The following PTPRD variants were observed in gnomAD, a reference collection of about 807,000 sequenced individuals.
PTPRD encodes receptor-type tyrosine-protein phosphatase delta.
In PTPRD, 34 loss-of-function variants were observed where a neutral mutation model predicts 214.5. That is an observed-to-expected ratio of 0.16 (90% CI 0.12 to 0.21). The LOEUF (loss-of-function observed/expected upper bound fraction) is 0.21, where lower values mean the gene tolerates loss of function less well. PTPRD is among the 10% of genes least tolerant of loss of function. The probability of loss-of-function intolerance (pLI) is 1.00; values close to 1 mark genes in which losing one functional copy is unlikely to be tolerated. For missense variants in PTPRD, 2,545 were observed against 2,398.7 expected (o/e 1.06, Z -1.27); for synonymous variants, 1,128 against 845.7 (o/e 1.33, Z -5.79).
intron 11 of PTPRD, among the ~76,000 whole-genome samples, chr9:8,742,722 T>C (rs947462584): frequency 2.6e-5 from 4 of 152,176 alleles, no homozygotes; most frequent in Non-Finnish European, 4.4e-5. Flanking sequence ...AGGATTATTT[T>C]AAGAATAAAG....
At chr9:10,437,096 C>T (rs1386258925) in intron 2 of PTPRD, among the ~76,000 whole-genome samples, 1 of 151,678 alleles carries the variant, frequency 6.6e-6, no homozygotes, top group Admixed American at 6.6e-5. Context: ...CCCCGTGTTT[C>T]CCTGAAGAAT....
intron 7 of PTPRD, among the ~76,000 whole-genome samples, chr9:9,711,914 A>G (rs2097740518): frequency 6.6e-6 from 1 of 152,178 alleles, no homozygotes; most frequent in Admixed American, 6.5e-5. Flanking sequence ...AACTATATGA[A>G]GGGTTGTTCA....
At chr9:9,653,348 CAAAAAAAAAAAAAAAAAAAAAAA>C (rs1175875551) in intron 7 of PTPRD, among the ~76,000 whole-genome samples, 5 of 32,490 alleles carry the variant, frequency 1.5e-4, no homozygotes, top group Admixed American at 1.2e-3. Flanking sequence ...GACTCCGTCT[CAAAAAAAAAAAAAAAAAAAAAAA>C]AAAAAAAAAA....
intron 2 of PTPRD, among the ~76,000 whole-genome samples, chr9:10,456,693 G>A (rs1011043480): frequency 6.6e-6 from 1 of 151,738 alleles, no homozygotes; most frequent in African/African-American, 2.4e-5. Flanking sequence ...TTTTCAGTGT[G>A]TTTTCTTTTC....
intron 10 of PTPRD, among the ~76,000 whole-genome samples, chr9:9,029,506 T>A (rs368298577): frequency 4.8e-5 from 7 of 144,330 alleles, no homozygotes; most frequent in Admixed American, 3.5e-4. Flanking sequence ...CTAAAAAAAA[T>A]TATTTTAAAT....
At chr9:10,089,483 A>G (rs2098403955) in intron 3 of PTPRD, among the ~76,000 whole-genome samples, 1 of 151,606 alleles carries the variant, frequency 6.6e-6, no homozygotes, top group East Asian at 2.0e-4. Context: ...CATAAAATGT[A>G]ATAATGGTGA....
At chr9:10,105,185 G>C (rs291313) in intron 3 of PTPRD, among the ~76,000 whole-genome samples, 117,461 of 151,482 alleles carry the variant, frequency 0.78, 46,407 homozygotes, top group Middle Eastern at 0.9. Context: ...TTTTCTAATG[G>C]CTACTAAAGT....
At chr9:9,607,088 T>G (rs2154341899) in intron 7 of PTPRD, among the ~76,000 whole-genome samples, 1 of 149,744 alleles carries the variant, frequency 6.7e-6, no homozygotes, top group East Asian at 2.0e-4. Context: ...GCACGTGGCC[T>G]GTAACACTCT....
At chr9:8,345,393 C>T (rs1055526344) in intron 39 of PTPRD, among the ~76,000 whole-genome samples, 11 of 152,100 alleles carry the variant, frequency 7.2e-5, no homozygotes, top group Non-Finnish European at 1.2e-4. Context: ...CTTCACAATG[C>T]TTTCCACCAT....
intron 43 of PTPRD, among the ~76,000 whole-genome samples, chr9:8,335,354 A>G (rs970258296): frequency 2.0e-5 from 3 of 152,058 alleles, no homozygotes; most frequent in Non-Finnish European, 4.4e-5. Flanking sequence ...AAATCAATAA[A>G]CATAATCCAT....
chr9:8,776,901 ATAT>A (rs2095503347), intron 11 of PTPRD, among the ~76,000 whole-genome samples: 1 of 20,050 alleles, frequency 5.0e-5, no homozygotes, highest in African/African-American at 3.3e-4. Context: ...TATATAATAC[ATAT>A]GTATAATATA....
intron 8 of PTPRD, among the ~76,000 whole-genome samples, chr9:9,531,124 C>T (rs990998369): frequency 2.0e-5 from 3 of 152,058 alleles, no homozygotes; most frequent in African/African-American, 7.2e-5. Flanking sequence ...TTCTATGCTG[C>T]AACAAATCCT....
At chr9:10,523,382 A>C (rs2053036677) in intron 2 of PTPRD, among the ~76,000 whole-genome samples, 1 of 151,376 alleles carries the variant, frequency 6.6e-6, no homozygotes, top group South Asian at 2.1e-4. Flanking sequence ...ATGACAAAGC[A>C]ACTGTCCCAA....
chr9:8,417,222 G>A (rs2094003893), intron 35 of PTPRD, among the ~76,000 whole-genome samples: 1 of 150,740 alleles, frequency 6.6e-6, no homozygotes, highest in Non-Finnish European at 1.5e-5. Flanking sequence ...CCAAAAGAGT[G>A]GGAAGTTAAG....
rs188333669 is a variant in PTPRD at position 10,288,871 on chromosome 9, T to C, written c.-545+52092A>G. Among the ~76,000 whole-genome samples, 44 of 152,260 alleles carry C rather than the reference T, an allele frequency of 2.9e-4. 1 individual carries two copies. Among genetic ancestry groups the C allele is most frequent in the South Asian group, 1.2e-3 (6 of 4,824 alleles). On this transcript the variant is annotated intron_variant, in intron 3 of 45. Coordinates refer to ENST00000381196, the MANE Select transcript of PTPRD (RefSeq NM_002839.4). The stretch of plus-strand genomic sequence containing the variant: ...GCTAAAATTGGATTATATGAAAATA[T>C]AGCATAAATTAGAGAGGAGTCTAAC...
At chr9:10,549,489 A>C (rs2060849318) in intron 2 of PTPRD, among the ~76,000 whole-genome samples, 1 of 152,182 alleles carries the variant, frequency 6.6e-6, no homozygotes, top group Non-Finnish European at 1.5e-5. Context: ...TACAGGATGA[A>C]GGTAGCAGGA....
intron 7 of PTPRD, among the ~76,000 whole-genome samples, chr9:9,717,259 T>C (rs2097851793): frequency 6.6e-6 from 1 of 152,232 alleles, no homozygotes; most frequent in Non-Finnish European, 1.5e-5. Flanking sequence ...TATAGCCTTG[T>C]AGTATAGTTT....
At chr9:8,554,224 G>A (rs886501263) in intron 14 of PTPRD, among the ~76,000 whole-genome samples, 5 of 152,028 alleles carry the variant, frequency 3.3e-5, no homozygotes, top group African/African-American at 1.2e-4. Context: ...ACAGATTATA[G>A]TTGGGGAAGG....
At chr9:10,419,802 AC>A (rs1312190795) in intron 2 of PTPRD, among the ~76,000 whole-genome samples, 1 of 151,812 alleles carries the variant, frequency 6.6e-6, no homozygotes, top group Non-Finnish European at 1.5e-5. Flanking sequence ...TTACATTAAT[AC>A]TTCAAAGCAG....
Sources: gnomAD v4.1 joint callset for allele counts (sites outside exome capture counted in the v4.1 genomes callset) on GRCh38, gnomAD v4.1.1 for gene constraint, MANE v1.5 for transcripts, NCBI Gene and HGNC (gene_info 2026-07-23, HGNC 2026-07-21) for gene names.